Variants in GALNTL6 observed in about 807,000 individuals in gnomAD.
The protein encoded by GALNTL6 is polypeptide N-acetylgalactosaminyltransferase like 6, also known as polypeptide N-acetylgalactosaminyltransferase-like 6.
A neutral mutation model predicts 73.7 loss-of-function variants in GALNTL6; 46 were observed. The observed-to-expected ratio is 0.62, with a 90% CI of 0.49 to 0.80. GALNTL6 has a LOEUF of 0.80. Ranked by LOEUF, GALNTL6 falls within the 30% of genes least tolerant of loss-of-function variation. The probability of loss-of-function intolerance (pLI) is 0.00; values close to 1 mark genes in which losing one functional copy is unlikely to be tolerated. For missense variants in GALNTL6, 604 were observed against 755.0 expected (o/e 0.80, Z 2.34); for synonymous variants, 259 against 263.7 (o/e 0.98, Z 0.17).
At chr4:172,085,196 A>G (rs949309434) in intron 2 of GALNTL6, among the ~76,000 whole-genome samples, 1 of 152,190 alleles carries the variant, frequency 6.6e-6, no homozygotes, top group African/African-American at 2.4e-5. Flanking sequence ...AGTTATTCAA[A>G]ATACCCATAT....
chr4:172,110,212 T>C (rs550220049), intron 2 of GALNTL6, among the ~76,000 whole-genome samples: 1 of 152,328 alleles, frequency 6.6e-6, no homozygotes, highest in East Asian at 1.9e-4. Flanking sequence ...CAATGTTGGA[T>C]ACAGCTAAGG....
intron 5 of GALNTL6, among the ~76,000 whole-genome samples, chr4:172,393,059 G>T (rs1427550563): frequency 6.6e-6 from 1 of 152,090 alleles, no homozygotes; most frequent in East Asian, 1.9e-4. Context: ...GTCCTTATGA[G>T]AATCTAACTA....
chr4:172,402,118 A>C (rs945782810), intron 5 of GALNTL6, among the ~76,000 whole-genome samples: 2 of 152,162 alleles, frequency 1.3e-5, no homozygotes, highest in Admixed American at 6.6e-5. Flanking sequence ...AAATATCTTC[A>C]ATAAATGCTA....
At chr4:171,895,645 G>A (rs1458506346) in intron 2 of GALNTL6, among the ~76,000 whole-genome samples, 1 of 152,092 alleles carries the variant, frequency 6.6e-6, no homozygotes, top group East Asian at 1.9e-4. Context: ...ATGATAAAAT[G>A]CAGTCTTATG....
chr4:172,145,613 C>T (rs1022850931), intron 2 of GALNTL6, among the ~76,000 whole-genome samples: 1 of 152,112 alleles, frequency 6.6e-6, no homozygotes, highest in Non-Finnish European at 1.5e-5. Context: ...ATCTGTTTTA[C>T]TAGTATCCAT....
intron 2 of GALNTL6, among the ~76,000 whole-genome samples, chr4:171,818,074 A>G (rs903101185): frequency 1.3e-5 from 2 of 151,640 alleles, no homozygotes; most frequent in African/African-American, 4.8e-5. Flanking sequence ...TTAGCTGAGA[A>G]TGATTGCTAT....
intron 2 of GALNTL6, among the ~76,000 whole-genome samples, chr4:171,899,690 G>A (rs1386887739): frequency 6.6e-6 from 1 of 152,094 alleles, no homozygotes; most frequent in African/African-American, 2.4e-5. Flanking sequence ...ATCTAAATTG[G>A]AAAACCCTAT....
intron 2 of GALNTL6, among the ~76,000 whole-genome samples, chr4:171,983,866 G>A (rs1040803308): frequency 1.3e-5 from 2 of 152,096 alleles, no homozygotes; most frequent in African/African-American, 4.8e-5. Context: ...TGGTGGGGAA[G>A]GGCCATGGAG....
intron 2 of GALNTL6, among the ~76,000 whole-genome samples, chr4:171,911,989 T>TTGA (rs1275919650): frequency 6.6e-6 from 1 of 152,178 alleles, no homozygotes; most frequent in Non-Finnish European, 1.5e-5. Context: ...TAATAGGTTC[T>TTGA]TGATATATCC....
At chr4:171,929,585 G>A (rs1218927519) in intron 2 of GALNTL6, among the ~76,000 whole-genome samples, 3 of 152,162 alleles carry the variant, frequency 2.0e-5, no homozygotes, top group South Asian at 2.1e-4. Flanking sequence ...CCTGCACAAC[G>A]GCGTGGCCTC....
At position 173,040,123 on chromosome 4, in the gene GALNTL6, G is replaced by A; in HGVS notation, c.*23G>A. On this transcript the variant is annotated 3_prime_UTR_variant, in exon 13 of 13. Coordinates refer to ENST00000506823, the MANE Select transcript of GALNTL6 (RefSeq NM_001034845.3). ...TAGAAAGAAGAAAGGAAGAAAGAGT[G>A]ATTACCTACAGGTTATAAATTAAAT... The A allele has an allele frequency of 6.4e-7, 1 of 1,570,870 alleles. No individual in the cohort carries two copies. Among genetic ancestry groups the A allele is most frequent in the Non-Finnish European group, 8.7e-7 (1 of 1,146,612 alleles).
chr4:172,437,032 A>G (rs1040493585), intron 5 of GALNTL6, among the ~76,000 whole-genome samples: 12 of 152,098 alleles, frequency 7.9e-5, no homozygotes, highest in Non-Finnish European at 1.6e-4. Context: ...GCACATATAT[A>G]TAAACACTTG....
chr4:172,740,037 AAAACCCTCCTGGAT>A, intron 5 of GALNTL6, among the ~76,000 whole-genome samples: 1 of 152,100 alleles, frequency 6.6e-6, no homozygotes, highest in South Asian at 2.1e-4. Flanking sequence ...TAGGGACTTC[AAAACCCTCCTGGAT>A]CCAGCTCCCA....
chr4:172,114,151 GA>G (rs1215566213), intron 2 of GALNTL6, among the ~76,000 whole-genome samples: 4 of 152,048 alleles, frequency 2.6e-5, no homozygotes, highest in African/African-American at 9.7e-5. Context: ...TTTGAATGCA[GA>G]AAATACTTAT....
chr4:171,986,991 C>CCACCATCAATAAATCAAGCGTGATCAG (rs1740115975), intron 2 of GALNTL6, among the ~76,000 whole-genome samples: 1 of 151,946 alleles, frequency 6.6e-6, no homozygotes, highest in Non-Finnish European at 1.5e-5. Flanking sequence ...TAGTTGAGAA[C>CCACCATCAATAAATCAAGCGTGATCAG]GGTGAATAGG....
intron 5 of GALNTL6, among the ~76,000 whole-genome samples, chr4:172,502,074 G>C (rs974322140): frequency 2.6e-5 from 4 of 152,086 alleles, no homozygotes; most frequent in African/African-American, 4.8e-5. Flanking sequence ...CAAATATAAT[G>C]TACTGAACAC....
At chr4:172,889,159 G>T (rs1205187149) in intron 8 of GALNTL6, among the ~76,000 whole-genome samples, 1 of 152,172 alleles carries the variant, frequency 6.6e-6, no homozygotes, top group Non-Finnish European at 1.5e-5. Flanking sequence ...AAGCCATTTG[G>T]CAGAGTCTGC....
Position 171,853,599 on chromosome 4 carries a change from C to CTTT in GALNTL6, c.138+38908_138+38910dup, listed in dbSNP as rs35078885. ...TTTTTCTCTCTTTTGTTTAGCCACT[C>CTTT]TTTTTTTTTTTTTTTTTTTTTTTTT... is the stretch of plus-strand genomic sequence containing the variant. On this transcript the variant is annotated intron_variant, in intron 2 of 12. Transcript: ENST00000506823. Among the ~76,000 whole-genome samples the CTTT allele has an allele frequency of 3.2e-3, 114 of 35,364 alleles. 41 individuals carry two copies. Among genetic ancestry groups the CTTT allele is most frequent in the East Asian group, 3.8e-3 (5 of 1,328 alleles). 23.2% of individuals were successfully genotyped at this position (35,364 alleles called of 152,430 possible).
At chr4:172,150,391 A>G (rs7377366) in intron 2 of GALNTL6, among the ~76,000 whole-genome samples, 69,703 of 152,020 alleles carry the variant, frequency 0.46, 16,923 homozygotes, top group African/African-American at 0.61. Context: ...CCACTGTGGG[A>G]TGAAAAGATT....
Sources: allele counts gnomAD v4.1 joint callset (sites outside exome capture counted in the v4.1 genomes callset), GRCh38; gene constraint gnomAD v4.1.1; transcripts MANE v1.5; gene names NCBI Gene and HGNC (gene_info 2026-07-23, HGNC 2026-07-21).